PDIA6: variants seen among roughly 807,000 people sequenced by gnomAD.
PDIA6 encodes protein disulfide-isomerase A6.
Under a neutral mutation model 58.4 loss-of-function variants are expected in PDIA6, and 29 were observed. The ratio of observed to expected loss-of-function variants is 0.50; its 90% CI spans 0.37 to 0.68. PDIA6 has a LOEUF of 0.68. PDIA6 is among the 30% of genes least tolerant of loss of function. The pLI is 0.00. For synonymous variants in PDIA6, 192 were observed against 202.6 expected, an observed-to-expected ratio of 0.95 and a Z score of 0.44; for missense variants, 480 against 551.0, an observed-to-expected ratio of 0.87 and a Z score of 1.29.
At chr2:10,784,399 G>A (rs548218187) in intron 12 of PDIA6, 73 bp from the exon 13 acceptor site, 17 of 1,160,276 alleles carry the variant, frequency 1.5e-5, no homozygotes, top group Non-Finnish European at 2.1e-5. Flanking sequence ...CTCATTTTAT[G>A]GAAGAGCGAC....
chr2:10,785,103 A>T (rs1665655055), intron 11 of PDIA6, 73 bp from the exon 12 acceptor site: 5 of 1,033,456 alleles, frequency 4.8e-6, no homozygotes, highest in Non-Finnish European at 7.4e-6. Flanking sequence ...AAACAACTTT[A>T]AAAATAACAG....
At chr2:10,792,750 C>A (rs1044327672) in intron 5 of PDIA6, among the ~76,000 whole-genome samples, 2 of 152,182 alleles carry the variant, frequency 1.3e-5, no homozygotes, top group Non-Finnish European at 2.9e-5. Flanking sequence ...AATCTCATCA[C>A]GGTTTGCCAA....
chr2:10,816,522 C>CTTTTTTTTTTTTT (rs772701227), upstream of PDIA6, among the ~76,000 whole-genome samples: 19 of 138,236 alleles, frequency 1.4e-4, no homozygotes, highest in African/African-American at 3.1e-4. Flanking sequence ...CCTTTTTGTG[C>CTTTTTTTTTTTTT]TTTCTTTTTT....
chr2:10,819,330 G>A, exon 2 of PDIA6: 1 of 1,538,224 alleles, frequency 6.5e-7, no homozygotes, highest in Non-Finnish European at 8.8e-7. Flanking sequence ...CCTTGATAGG[G>A]AGTGGGCAGG....
At chr2:10,815,170 G>C (rs62127474), upstream of PDIA6, among the ~76,000 whole-genome samples, 4 of 151,630 alleles carry the variant, frequency 2.6e-5, no homozygotes, top group Admixed American at 2.0e-4. Context: ...AAATGCACAG[G>C]CTTCTGGAAA....
intron 10 of PDIA6, 72 bp from the exon 11 acceptor site, chr2:10,787,511 G>C: frequency 7.6e-7 from 1 of 1,308,558 alleles, no homozygotes. Flanking sequence ...GAAGATCTTA[G>C]AGAACAAAAG....
chr2:10,804,802 G>A (rs1401023620), intron 1 of PDIA6, among the ~76,000 whole-genome samples: 2 of 138,942 alleles, frequency 1.4e-5, no homozygotes, highest in African/African-American at 2.6e-5. Context: ...TCCTACCCAT[G>A]AGCATGGAAT....
chr2:10,809,238 T>A (rs1486274388), intron 1 of PDIA6, among the ~76,000 whole-genome samples: 2 of 152,268 alleles, frequency 1.3e-5, no homozygotes, highest in Admixed American at 6.5e-5. Flanking sequence ...ATTACATATA[T>A]GTTTGCATTA....
rs1044134310 is a variant in PDIA6, at chr2:10,796,061, T to C, written c.346+1020A>G. ...AATAGAATAATCTGTTTGTGATATC[T>C]TTTTTTTTTTTTTTTTTTGAGACGG... On this transcript the variant is annotated intron_variant, in intron 4 of 12. Coordinates refer to ENST00000272227, the MANE Select transcript of PDIA6 (RefSeq NM_005742.4). 2.2e-4 allele frequency among the ~76,000 whole-genome samples: 4 copies of C among 17,860 alleles called. No homozygotes were observed. The African/African-American group carries it at 2.7e-3, about 12-fold the overall frequency. 11.7% of individuals were successfully genotyped at this position (17,860 alleles called of 152,430 possible).
Position 10,784,308 on chromosome 2 carries a change from T to C in PDIA6, c.1273A>G (p.Ile425Val), listed in dbSNP as rs1665587673. 8 of 1,613,364 alleles carry C rather than the reference T, an allele frequency of 5.0e-6. No homozygotes were observed. The highest frequency in any genetic ancestry group is 6.8e-6 in the Non-Finnish European group (8 of 1,179,836). Residue 425 changes from isoleucine (I) to valine (V), a missense_variant, in exon 13 of 13, where the codon ATT becomes GTT. By Grantham distance (29) the Ile-to-Val change is conservative. Coordinates refer to ENST00000272227, the MANE Select transcript of PDIA6 (RefSeq NM_005742.4). ...TCAAGCTCCACATCACTGAGGTCAA[T>C]GTCATCCTCCACGGGAAGCTGGGAG... ...RDGELPVEDD[I>V]DLSDVELDDL... is the part of the protein sequence containing the mutation.
intron 1 of PDIA6, among the ~76,000 whole-genome samples, chr2:10,826,691 G>A (rs1051760946): frequency 3.9e-5 from 6 of 152,100 alleles, no homozygotes; most frequent in Non-Finnish European, 8.8e-5. Context: ...TGAATCATAT[G>A]GTGTGTGGAT....
chr2:10,827,210 G>A (rs1449244482), intron 1 of PDIA6, among the ~76,000 whole-genome samples: 2 of 151,974 alleles, frequency 1.3e-5, no homozygotes, highest in Non-Finnish European at 2.9e-5. Context: ...CTACAGTTAT[G>A]CACCACCACA....
chr2:10,784,478 AT>A, intron 12 of PDIA6, 152 bp from the exon 13 acceptor site: 4 of 577,328 alleles, frequency 6.9e-6, no homozygotes, highest in Non-Finnish European at 1.2e-5. Context: ...CTTCGTACCT[AT>A]GATTATACGG....
intron 1 of PDIA6, among the ~76,000 whole-genome samples, chr2:10,809,001 G>T (rs1666884006): frequency 6.6e-6 from 1 of 152,030 alleles, no homozygotes; most frequent in South Asian, 2.1e-4. Flanking sequence ...TAGAGATGGG[G>T]TTTCACCATG....
In PDIA6 at chr2:10,802,555, G is replaced by T; in HGVS notation, c.105C>A (p.Phe35Leu). Residue 35 changes from phenylalanine (F) to leucine (L), a missense_variant, in exon 2 of 13, where the codon TTC (phenylalanine) becomes TTA (leucine). Phe to Leu is a conservative substitution (Grantham distance 22). Coordinates refer to ENST00000272227, the MANE Select transcript of PDIA6 (RefSeq NM_005742.4). ...DDVIELTPSN[F>L]NREVIQSDSL... is the part of the protein sequence containing the mutation. ...TATCACTCTGAATAACTTCTCGGTT[G>T]AAATTCGATGGAGTTAATTCGATCA... 6.7e-7 allele frequency: 1 copy of T among 1,487,314 alleles called. No individual in the cohort carries two copies. The highest frequency in any genetic ancestry group is 9.0e-7 in the Non-Finnish European group (1 of 1,116,526). 92.1% of individuals were successfully genotyped at this position (1,487,314 alleles called of 1,614,324 possible).
chr2:10,804,647 C>T (rs1385612272), intron 1 of PDIA6, among the ~76,000 whole-genome samples: 6 of 137,296 alleles, frequency 4.4e-5, no homozygotes, highest in South Asian at 5.1e-4. Context: ...ATTGCTTTGG[C>T]GATGCGGGCT....
intron 11 of PDIA6, among the ~76,000 whole-genome samples, chr2:10,786,251 A>T (rs1665743494): frequency 6.6e-6 from 1 of 151,268 alleles, no homozygotes; most frequent in South Asian, 2.1e-4. Flanking sequence ...TGAACCCGGG[A>T]GGTGGAGGTT....
At chr2:10,784,908 G>A (rs779560842) in intron 12 of PDIA6, 26 bp downstream of exon 12, 33 of 1,487,470 alleles carry the variant, frequency 2.2e-5, no homozygotes, top group East Asian at 7.2e-5. Flanking sequence ...ACTGCTGCCC[G>A]CACAGCTTCC....
At chr2:10,833,673 A>T (rs1667761564), upstream of PDIA6, among the ~76,000 whole-genome samples, 1 of 152,186 alleles carries the variant, frequency 6.6e-6, no homozygotes, top group South Asian at 2.1e-4. Context: ...TCTTATACCC[A>T]TACACAGATT....
Sources: allele counts gnomAD v4.1 joint callset (sites outside exome capture counted in the v4.1 genomes callset), GRCh38; gene constraint gnomAD v4.1.1; transcripts MANE v1.5; gene names NCBI Gene and HGNC (gene_info 2026-07-23, HGNC 2026-07-21).